SH3GL2: variants seen among roughly 807,000 people sequenced by gnomAD.
SH3GL2 encodes SH3 domain containing GRB2 like 2, endophilin A1.
SH3GL2 carries 24 observed loss-of-function variants against 46.0 expected under a neutral mutation model. That is an observed-to-expected ratio of 0.52 (90% CI 0.38 to 0.73). The LOEUF (loss-of-function observed/expected upper bound fraction) is 0.73, where lower values mean the gene tolerates loss of function less well. Among genes scored for constraint, SH3GL2 ranks in the 30% least tolerant of loss-of-function variants. SH3GL2 has a pLI of 0.00. For synonymous variants in SH3GL2, 196 were observed against 147.1 expected (o/e 1.33, Z -2.40); for missense variants, 413 against 424.2 (o/e 0.97, Z 0.23).
At chr9:17,695,992 A>G (rs1238365361) in intron 1 of SH3GL2, among the ~76,000 whole-genome samples, 1 of 152,086 alleles carries the variant, frequency 6.6e-6, no homozygotes, top group Non-Finnish European at 1.5e-5. Flanking sequence ...GGCAGACCTG[A>G]TAGTTCTAGT....
intron 1 of SH3GL2, among the ~76,000 whole-genome samples, chr9:17,615,946 G>C (rs924603843): frequency 1.3e-5 from 2 of 152,052 alleles, no homozygotes; most frequent in South Asian, 4.2e-4. Context: ...TTGTTGTTCT[G>C]TGAATGAGAA....
intron 1 of SH3GL2, among the ~76,000 whole-genome samples, chr9:17,728,020 G>A (rs913507037): frequency 6.6e-5 from 10 of 152,264 alleles, no homozygotes; most frequent in African/African-American, 2.4e-4. Context: ...AAGCATAAAA[G>A]GGGTTTTCAT....
chr9:17,664,817 T>C (rs1820303057), intron 1 of SH3GL2, among the ~76,000 whole-genome samples: 1 of 151,982 alleles, frequency 6.6e-6, no homozygotes, highest in South Asian at 2.1e-4. Flanking sequence ...TTTTCCCCTT[T>C]TAATTCACTC....
intron 1 of SH3GL2, chr9:17,591,454 A>C (rs1057134483): frequency 6.6e-6 from 1 of 152,070 alleles, no homozygotes; most frequent in Non-Finnish European, 1.5e-5. Context: ...CGAGAAGGGC[A>C]AGGGGGCTAT....
chr9:17,654,921 C>T lies in SH3GL2; in HGVS notation c.45+75634C>T, dbSNP rs1820038324. Among the ~76,000 whole-genome samples the T allele has an allele frequency of 2.0e-5, 3 of 152,152 alleles. No individual in the cohort carries two copies. The South Asian group carries it at 6.2e-4, about 32-fold the overall frequency. On this transcript the variant is annotated intron_variant, in intron 1 of 8. Transcript: ENST00000380607. ...TGCTTTTAATGACAAAGTCATGCTCCTCCTGGAGGATGTGATGGGAGCTGT... is the reference window on the plus strand; with the variant it reads ...TGCTTTTAATGACAAAGTCATGCTCTTCCTGGAGGATGTGATGGGAGCTGT...
chr9:17,777,184 T>G (rs1588326307), intron 3 of SH3GL2, among the ~76,000 whole-genome samples: 1 of 152,282 alleles, frequency 6.6e-6, no homozygotes, highest in Non-Finnish European at 1.5e-5. Flanking sequence ...ACCCAAGGAC[T>G]CAATAACCAT....
intron 1 of SH3GL2, among the ~76,000 whole-genome samples, chr9:17,707,008 A>G (rs1023384324): frequency 6.6e-6 from 1 of 152,044 alleles, no homozygotes; most frequent in African/African-American, 2.4e-5. Flanking sequence ...CACTTGACAT[A>G]TAAAGCCCTT....
intron 1 of SH3GL2, among the ~76,000 whole-genome samples, chr9:17,579,549 C>T (rs1014019558): frequency 6.6e-6 from 1 of 152,150 alleles, no homozygotes; most frequent in Non-Finnish European, 1.5e-5. Flanking sequence ...GCTCGCCGCC[C>T]CCGCATCATC....
At chr9:17,651,216 T>A (rs1819951080) in intron 1 of SH3GL2, among the ~76,000 whole-genome samples, 1 of 152,180 alleles carries the variant, frequency 6.6e-6, no homozygotes. Flanking sequence ...TCCATGTATA[T>A]TTTTAGATTT....
chr9:17,611,319 T>C, intron 1 of SH3GL2, among the ~76,000 whole-genome samples: 1 of 152,306 alleles, frequency 6.6e-6, no homozygotes, highest in Admixed American at 6.5e-5. Context: ...ATAGGACATT[T>C]TGGTTTCTTT....
At chr9:17,749,488 G>A (rs1336920998) in intron 2 of SH3GL2, among the ~76,000 whole-genome samples, 5 of 152,044 alleles carry the variant, frequency 3.3e-5, no homozygotes, top group Non-Finnish European at 7.3e-5. Flanking sequence ...TTTGCCACGT[G>A]GCCAATGTCA....
intron 1 of SH3GL2, among the ~76,000 whole-genome samples, chr9:17,661,872 T>A (rs1226777304): frequency 6.6e-6 from 1 of 152,220 alleles, no homozygotes; most frequent in Non-Finnish European, 1.5e-5. Flanking sequence ...CTCACTTTCA[T>A]TGAATGTAAA....
At chr9:17,789,300 T>G in intron 5 of SH3GL2, 92 bp from the exon 6 acceptor site, 1 of 1,018,014 alleles carries the variant, frequency 9.8e-7, no homozygotes, top group South Asian at 1.5e-5. Flanking sequence ...CTATCTTAAT[T>G]TGGAAGTTAA....
chr9:17,694,348 A>G (rs1309282756), intron 1 of SH3GL2, among the ~76,000 whole-genome samples: 1 of 152,100 alleles, frequency 6.6e-6, no homozygotes, highest in Non-Finnish European at 1.5e-5. Flanking sequence ...GGAATATACT[A>G]AGAGTCTGGT....
intron 2 of SH3GL2, among the ~76,000 whole-genome samples, chr9:17,755,097 A>G (rs1438845782): frequency 6.6e-6 from 1 of 152,196 alleles, no homozygotes; most frequent in Non-Finnish European, 1.5e-5. Context: ...GCTTTTGCCC[A>G]TTCAGTATGA....
chr9:17,788,889 G>A (rs1423757735), intron 5 of SH3GL2, among the ~76,000 whole-genome samples: 2 of 146,134 alleles, frequency 1.4e-5, no homozygotes, highest in African/African-American at 4.8e-5. Flanking sequence ...AATCCATATT[G>A]TGATGAGCAA....
At chr9:17,647,128 A>T (rs115066121) in intron 1 of SH3GL2, among the ~76,000 whole-genome samples, 3,741 of 152,194 alleles carry the variant, frequency 0.025, 165 homozygotes, top group African/African-American at 0.085. Flanking sequence ...TGGCGCTCAA[A>T]ATTCTTGTGT....
intron 2 of SH3GL2, among the ~76,000 whole-genome samples, chr9:17,757,541 C>T (rs565022587): frequency 2.6e-5 from 4 of 152,300 alleles, no homozygotes; most frequent in South Asian, 4.1e-4. Context: ...CCTAATGGCT[C>T]CTCACACCAA....
chr9:17,708,104 G>T (rs2118249798), intron 1 of SH3GL2, among the ~76,000 whole-genome samples: 1 of 152,148 alleles, frequency 6.6e-6, no homozygotes, highest in African/African-American at 2.4e-5. Flanking sequence ...GAGGGCCTCT[G>T]AGGTGGGTAG....
Sources: allele counts gnomAD v4.1 joint callset (sites outside exome capture counted in the v4.1 genomes callset), GRCh38; gene constraint gnomAD v4.1.1; transcripts MANE v1.5; gene names NCBI Gene and HGNC (gene_info 2026-07-23, HGNC 2026-07-21).